ZNF804B: variants seen among roughly 807,000 people sequenced by gnomAD.
The protein encoded by ZNF804B is zinc finger 804B.
ZNF804B carries 80 observed loss-of-function variants against 101.4 expected under a neutral mutation model. That is an observed-to-expected ratio of 0.79 (90% CI 0.66 to 0.95). The LOEUF (loss-of-function observed/expected upper bound fraction) is 0.95, where lower values mean the gene tolerates loss of function less well. Ranked by LOEUF, ZNF804B falls within the 40% of genes least tolerant of loss-of-function variation. The probability of loss-of-function intolerance (pLI) is 0.00; values close to 1 mark genes in which losing one functional copy is unlikely to be tolerated. For synonymous variants in ZNF804B, 622 were observed against 558.8 expected (o/e 1.11, Z -1.59); for missense variants, 1,673 against 1,561.9 (o/e 1.07, Z -1.20).
intron 2 of ZNF804B, among the ~76,000 whole-genome samples, chr7:89,259,002 T>TA (rs1036785941): frequency 4.6e-5 from 7 of 152,076 alleles, no homozygotes; most frequent in Non-Finnish European, 7.4e-5. Context: ...TTTTCATTTC[T>TA]AAAAAAATGT....
intron 1 of ZNF804B, among the ~76,000 whole-genome samples, chr7:89,185,962 T>A (rs1788369638): frequency 2.0e-5 from 3 of 152,052 alleles, no homozygotes; most frequent in African/African-American, 7.2e-5. Context: ...ACTGTGGAAG[T>A]CATGTAGAAT....
intron 2 of ZNF804B, among the ~76,000 whole-genome samples, chr7:89,242,146 T>C: frequency 6.6e-6 from 1 of 151,976 alleles, no homozygotes; most frequent in African/African-American, 2.4e-5. Context: ...GATCCTTAAT[T>C]GATGAGGCTG....
chr7:88,875,727 A>G (rs1416676047), intron 1 of ZNF804B, among the ~76,000 whole-genome samples: 1 of 152,156 alleles, frequency 6.6e-6, no homozygotes, highest in Admixed American at 6.5e-5. Flanking sequence ...ATTCTACCAG[A>G]GGTACAAGGA....
intron 1 of ZNF804B, among the ~76,000 whole-genome samples, chr7:89,108,622 T>C (rs901482960): frequency 2.0e-5 from 3 of 152,112 alleles, no homozygotes; most frequent in African/African-American, 7.2e-5. Context: ...CTCTCTGACA[T>C]GACAAAAGGC....
intron 1 of ZNF804B, among the ~76,000 whole-genome samples, chr7:89,003,733 G>T (rs2116177368): frequency 6.6e-6 from 1 of 151,992 alleles, no homozygotes. Context: ...GCCTCGTGCT[G>T]CCTCTTACAT....
chr7:89,114,840 G>A (rs1262170325), intron 1 of ZNF804B, among the ~76,000 whole-genome samples: 2 of 152,150 alleles, frequency 1.3e-5, no homozygotes, highest in South Asian at 2.1e-4. Flanking sequence ...TGGGAACTTC[G>A]AGAGGGTCTG....
intron 2 of ZNF804B, among the ~76,000 whole-genome samples, chr7:89,321,993 A>C (rs1198774226): frequency 1.3e-5 from 2 of 152,184 alleles, no homozygotes; most frequent in Non-Finnish European, 2.9e-5. Flanking sequence ...TTAACTAAAT[A>C]ACAAGATATA....
At chr7:89,261,048 T>A (rs1192501914) in intron 2 of ZNF804B, among the ~76,000 whole-genome samples, 1 of 152,188 alleles carries the variant, frequency 6.6e-6, no homozygotes, top group Admixed American at 6.5e-5. Flanking sequence ...AAATGAGTAC[T>A]GTTACAAGGG....
Position 88,759,917 on chromosome 7 carries a change from G to A in ZNF804B, c.-60G>A, listed in dbSNP as rs1184509753. 9 of 1,484,980 alleles carry A rather than the reference G, an allele frequency of 6.1e-6. No individual in the cohort carries two copies. Among genetic ancestry groups the A allele is most frequent in the Non-Finnish European group, 8.4e-6 (9 of 1,067,050 alleles). 92.0% of individuals were successfully genotyped at this position (1,484,980 alleles called of 1,614,324 possible). On this transcript the variant is annotated 5_prime_UTR_variant, in exon 1 of 4. Coordinates refer to ENST00000333190, the MANE Select transcript of ZNF804B (RefSeq NM_181646.5). The stretch of plus-strand genomic sequence containing the variant: ...GCTGTTGCCGCTGAGAAACCCGCCC[G>A]CTTTCCACGGCTGGTCGCCTGGTGA...
At chr7:88,850,376 CACAG>C (rs1347395024) in intron 1 of ZNF804B, among the ~76,000 whole-genome samples, 1 of 152,036 alleles carries the variant, frequency 6.6e-6, no homozygotes, top group Admixed American at 6.6e-5. Flanking sequence ...GTGAGAGACA[CACAG>C]ACAGAAACCT....
rs938650229 is a variant in ZNF804B at position 89,310,965 on chromosome 7, T to G, written c.250-16379T>G. Among the ~76,000 whole-genome samples the G allele has an allele frequency of 1.4e-4, 19 of 131,938 alleles. No individual in the cohort carries two copies. The Admixed American group carries it at 1.5e-3, about 10-fold the overall frequency. The allele number at this position is 131,938 out of a possible 152,430, so 86.6% of individuals were successfully genotyped here. On this transcript the variant is annotated intron_variant, in intron 2 of 3. Transcript: ENST00000333190. ...AGCAGAGGTTTGCTAAAGGATTCTC[T>G]TAAGATTTTTTTTTTTTTAATTTTT...
chr7:88,976,213 A>G (rs1308429182), intron 1 of ZNF804B, among the ~76,000 whole-genome samples: 1 of 151,742 alleles, frequency 6.6e-6, no homozygotes, highest in African/African-American at 2.4e-5. Flanking sequence ...CTTATTGCTC[A>G]GAATGGCTTT....
intron 2 of ZNF804B, among the ~76,000 whole-genome samples, chr7:89,313,699 T>C (rs962347993): frequency 6.6e-6 from 1 of 152,236 alleles, no homozygotes; most frequent in African/African-American, 2.4e-5. Flanking sequence ...AAATTCCAGA[T>C]ACTTCATAAA....
chr7:89,188,903 G>A (rs372816319), intron 1 of ZNF804B, among the ~76,000 whole-genome samples: 1 of 152,276 alleles, frequency 6.6e-6, no homozygotes, highest in East Asian at 1.9e-4. Flanking sequence ...AAGTTACAAG[G>A]TGATGATGTA....
At chr7:88,896,122 T>C (rs1219490738) in intron 1 of ZNF804B, among the ~76,000 whole-genome samples, 2 of 152,186 alleles carry the variant, frequency 1.3e-5, no homozygotes, top group African/African-American at 4.8e-5. Flanking sequence ...TTTAATATGA[T>C]GTGCTGAGAA....
chr7:89,280,684 A>T (rs936783014), intron 2 of ZNF804B, among the ~76,000 whole-genome samples: 2 of 152,138 alleles, frequency 1.3e-5, no homozygotes, highest in South Asian at 4.1e-4. Flanking sequence ...CGACACATAC[A>T]CTCTCCCAAG....
At chr7:88,965,481 G>T (rs953948745) in intron 1 of ZNF804B, among the ~76,000 whole-genome samples, 1 of 151,398 alleles carries the variant, frequency 6.6e-6, no homozygotes, top group Non-Finnish European at 1.5e-5. Context: ...CCTTGAAAGG[G>T]TGACAATCAG....
intron 1 of ZNF804B, among the ~76,000 whole-genome samples, chr7:89,038,577 T>A (rs1788963712): frequency 6.6e-6 from 1 of 152,292 alleles, no homozygotes; most frequent in South Asian, 2.1e-4. Flanking sequence ...CCTTATCAGA[T>A]ATATGGTTTG....
chr7:88,814,908 A>AT (rs1790852693), intron 1 of ZNF804B, among the ~76,000 whole-genome samples: 1 of 151,816 alleles, frequency 6.6e-6, no homozygotes, highest in Non-Finnish European at 1.5e-5. Flanking sequence ...CTGAAGACAG[A>AT]TAAGAAAAAT....
Sources: gnomAD v4.1 joint callset for allele counts (sites outside exome capture counted in the v4.1 genomes callset) on GRCh38, gnomAD v4.1.1 for gene constraint, MANE v1.5 for transcripts, NCBI Gene and HGNC (gene_info 2026-07-23, HGNC 2026-07-21) for gene names.